MYBPC1: variants seen among roughly 807,000 people sequenced by gnomAD.
The protein encoded by MYBPC1 is myosin binding protein C1, also known as myosin-binding protein C, slow-type.
MYBPC1 carries 52 observed loss-of-function variants against 147.1 expected under a neutral mutation model. That is an observed-to-expected ratio of 0.35 (90% CI 0.28 to 0.45). The LOEUF (loss-of-function observed/expected upper bound fraction) is 0.45. MYBPC1 is among the 20% of genes least tolerant of loss of function. The probability of loss-of-function intolerance (pLI) is 1.00; values close to 1 mark genes in which losing one functional copy is unlikely to be tolerated. For synonymous variants in MYBPC1, 477 were observed against 475.9 expected (o/e 1.00, Z -0.03); for missense variants, 1,228 against 1,440.3 (o/e 0.85, Z 2.39).
intron 24 of MYBPC1, among the ~76,000 whole-genome samples, chr12:101,672,938 G>A (rs924071826): frequency 3.3e-5 from 5 of 152,162 alleles, no homozygotes; most frequent in Non-Finnish European, 7.3e-5. Context: ...CACTCTTTGA[G>A]ATAGGTACTA....
intron 18 of MYBPC1, among the ~76,000 whole-genome samples, chr12:101,653,765 C>T (rs1183620292): frequency 6.6e-6 from 1 of 151,860 alleles, no homozygotes; most frequent in Non-Finnish European, 1.5e-5. Context: ...GTTGGAGGAA[C>T]AGAAGGAAAG....
At chr12:101,645,361 T>A (rs890211563) in intron 12 of MYBPC1, among the ~76,000 whole-genome samples, 4 of 152,232 alleles carry the variant, frequency 2.6e-5, no homozygotes, top group African/African-American at 7.2e-5. Flanking sequence ...GGAGACGGAC[T>A]AAAGACAGAC....
chr12:101,659,795 G>A lies in MYBPC1; in HGVS notation c.1891G>A (p.Gly631Arg). The A allele has an allele frequency of 6.2e-7, 1 of 1,614,134 alleles. No individual in the cohort carries two copies. The highest frequency in any genetic ancestry group is 8.5e-7 in the Non-Finnish European group (1 of 1,179,994). ...VYHINLKNEAGEAHASIKVKV... is the reference protein window; with the variant it reads ...VYHINLKNEAREAHASIKVKV... ...CCACATCAATCTGAAAAACGAAGCT[G>A]GAGAGGCACATGCAAGCATCAAGGT... Residue 631 changes from glycine (G) to arginine (R), a missense_variant, in exon 19 of 32, where the codon GGA becomes AGA. Gly to Arg is a moderately radical substitution (Grantham distance 125). Around this residue, in one of 2 missense-constraint regions of MYBPC1, gnomAD observed 1,077 missense variants for 1,314.2 expected, o/e 0.82. Transcript: ENST00000361466.
intron 15 of MYBPC1, 139 bp downstream of exon 15, chr12:101,649,565 T>C: frequency 2.0e-6 from 2 of 1,004,202 alleles, no homozygotes; most frequent in Non-Finnish European, 3.0e-6. Context: ...TCCAGCTAAG[T>C]GTCTATGTCA....
chr12:101,687,893 G>C (rs1160007019), downstream of MYBPC1, among the ~76,000 whole-genome samples: 1 of 152,036 alleles, frequency 6.6e-6, no homozygotes, highest in Non-Finnish European at 1.5e-5. Context: ...ATTATATTTT[G>C]TACTAGATAA....
chr12:101,656,289 C>T (rs1023305688), intron 18 of MYBPC1, among the ~76,000 whole-genome samples: 1 of 151,920 alleles, frequency 6.6e-6, no homozygotes. Context: ...ATAATAGGAA[C>T]AAAGAAGAAG....
chr12:101,616,435 C>T (rs825085), intron 2 of MYBPC1, among the ~76,000 whole-genome samples: 1 of 152,110 alleles, frequency 6.6e-6, no homozygotes, highest in African/African-American at 2.4e-5. Flanking sequence ...ATATTGACTT[C>T]CTGTTGCTCA....
chr12:101,608,398 A>T (rs984544005), intron 1 of MYBPC1, among the ~76,000 whole-genome samples: 4 of 152,208 alleles, frequency 2.6e-5, no homozygotes, highest in African/African-American at 9.6e-5. Flanking sequence ...CATGTTTTCT[A>T]AAAAAGATAT....
intron 9 of MYBPC1, 99 bp downstream of exon 9, chr12:101,634,704 GAAC>G (rs1890646155): frequency 3.0e-6 from 3 of 998,854 alleles, no homozygotes. Flanking sequence ...TTCCAAATAC[GAAC>G]AACACTTTTC....
At chr12:101,684,742 G>A (rs1951250997) in intron 31 of MYBPC1, among the ~76,000 whole-genome samples, 1 of 152,148 alleles carries the variant, frequency 6.6e-6, no homozygotes, top group African/African-American at 2.4e-5. Context: ...ATGTACATAA[G>A]TGGCATCATT....
At chr12:101,595,164 A>C (rs1419728721) in intron 1 of MYBPC1, 69 bp downstream of exon 1, 1 of 1,263,822 alleles carries the variant, frequency 7.9e-7, no homozygotes, top group African/African-American at 1.5e-5. Context: ...TTTATCTTCA[A>C]ACAAATAACA....
intron 10 of MYBPC1, among the ~76,000 whole-genome samples, chr12:101,642,216 G>GCA (rs1303676691): frequency 1.3e-5 from 2 of 152,066 alleles, no homozygotes; most frequent in Non-Finnish European, 2.9e-5. Flanking sequence ...TACTATAAGG[G>GCA]CACACATTTG....
chr12:101,632,058 A>G lies in MYBPC1; in HGVS notation c.476A>G (p.Asp159Gly), dbSNP rs1890013215. 6.2e-7 allele frequency: 1 copy of G among 1,614,036 alleles called. No homozygotes were observed. The change falls in exon 8 of 32, where the codon GAT becomes GGT. Residue 159 changes from aspartate to glycine, a missense_variant. Physicochemically the swap from Asp to Gly is moderately conservative, Grantham distance 94 (BLOSUM62 -1). This residue lies in a region of MYBPC1 where 1,077 missense variants were observed against 1,314.2 expected (regional missense o/e 0.82). Transcript: ENST00000361466. ...TFEMQIIKAK[D>G]NFAGNYRCEV... Reference sequence around the variant, plus strand: ...GAGATGCAGATCATCAAGGCCAAAGATAACTTTGCAGGAAATTACAGATGC... The same window carrying G: ...GAGATGCAGATCATCAAGGCCAAAGGTAACTTTGCAGGAAATTACAGATGC...
At chr12:101,631,455 G>A (rs1192203116) in intron 6 of MYBPC1, 116 bp from the exon 7 acceptor site, 7 of 1,190,184 alleles carry the variant, frequency 5.9e-6, no homozygotes, top group Admixed American at 3.4e-5. Context: ...TCACAATTCC[G>A]AGGGCACCAA....
chr12:101,653,671 A>C (rs1423526732), intron 18 of MYBPC1, among the ~76,000 whole-genome samples: 2 of 152,168 alleles, frequency 1.3e-5, no homozygotes, highest in African/African-American at 4.8e-5. Context: ...CAAGGAACCC[A>C]TTATGTGAAG....
In MYBPC1 at chr12:101,651,453, C is replaced by T. The variant is rs10860759; in HGVS notation, c.1526+60C>T. ...GTCCCATTTCTACTTTCTCCATTTT[C>T]TAAATTACATATTTGGTGAGGATAT... On this transcript the variant is annotated intron_variant, in intron 16 of 31. Transcript: ENST00000361466. 0.26 allele frequency: 412,419 copies of T among 1,594,782 alleles called. 56,608 individuals carry two copies. The highest frequency in any genetic ancestry group is 0.32 in the Middle Eastern group (1,922 of 6,012).
intron 1 of MYBPC1, among the ~76,000 whole-genome samples, chr12:101,610,512 C>CT (rs72301569): frequency 0.22 from 33,001 of 151,940 alleles, 5,050 homozygotes; most frequent in African/African-American, 0.44. Context: ...ACATAAGTGT[C>CT]TTTTCGTAGG....
At chr12:101,619,995 A>G (rs1188169048) in intron 3 of MYBPC1, among the ~76,000 whole-genome samples, 41 of 152,218 alleles carry the variant, frequency 2.7e-4, no homozygotes, top group Non-Finnish European at 5.9e-5. Flanking sequence ...ATTTGCTAAA[A>G]GTCTCTGTCT....
At chr12:101,678,816 G>A (rs1161475451) in intron 28 of MYBPC1, among the ~76,000 whole-genome samples, 1 of 152,194 alleles carries the variant, frequency 6.6e-6, no homozygotes, top group Non-Finnish European at 1.5e-5. Flanking sequence ...AAGTACCCTA[G>A]AATTGGGAAA....
Sources: gnomAD v4.1 joint callset for allele counts (sites outside exome capture counted in the v4.1 genomes callset) on GRCh38, gnomAD v4.1.1 for gene constraint, gnomAD v4.1.1 regional missense constraint, MANE v1.5 for transcripts, NCBI Gene and HGNC (gene_info 2026-07-23, HGNC 2026-07-21) for gene names.